ANKS3: variants seen among roughly 807,000 people sequenced by gnomAD.
ANKS3 encodes the protein ankyrin repeat and sterile alpha motif domain containing 3.
In ANKS3, 62 loss-of-function variants were observed where a neutral mutation model predicts 80.7. That is an observed-to-expected ratio of 0.77 (90% CI 0.63 to 0.95). ANKS3 has a LOEUF of 0.95. ANKS3 is among the 40% of genes least tolerant of loss of function. ANKS3 has a pLI of 0.00. For synonymous variants in ANKS3, 489 were observed against 355.3 expected (o/e 1.38, Z -4.23); for missense variants, 1,150 against 883.6 (o/e 1.30, Z -3.82).
intron 6 of ANKS3, among the ~76,000 whole-genome samples, chr16:4,718,916 G>A (rs1358454276): frequency 1.3e-5 from 2 of 152,184 alleles, no homozygotes; most frequent in Non-Finnish European, 2.9e-5. Flanking sequence ...TACATATTTA[G>A]GGGAAAAGGG....
intron 6 of ANKS3, among the ~76,000 whole-genome samples, chr16:4,720,503 G>A (rs1027232251): frequency 6.7e-6 from 1 of 149,880 alleles, no homozygotes; most frequent in East Asian, 2.0e-4. Context: ...GGAGGGGTGT[G>A]AACCAGGACC....
In ANKS3 at chr16:4,726,717, C is replaced by A. The variant is rs147388252; in HGVS notation, c.433G>T (p.Ala145Ser). Residue 145 changes from alanine to serine, a missense_variant, in exon 5 of 18, where the codon GCC (alanine) becomes TCC (serine). Transcript: ENST00000304283. ...AACCTGACCATGTGCTGGTGCCCGG[C>A]GCTGGTACAGTGGAAGAGGGCTGTC... ...GWTALFHCTS[A>S]GHQHMVRFLL... 6.2e-7 allele frequency: 1 copy of A among 1,614,228 alleles called. No homozygotes were observed. The highest frequency in any genetic ancestry group is 8.5e-7 in the Non-Finnish European group (1 of 1,180,034).
At chr16:4,711,726 A>G (rs1046704230) in intron 7 of ANKS3, among the ~76,000 whole-genome samples, 1 of 147,804 alleles carries the variant, frequency 6.8e-6, no homozygotes, top group African/African-American at 2.4e-5. Flanking sequence ...CTCAAAAAAA[A>G]AAAAAAAAAA....
intron 9 of ANKS3, 38 bp from the exon 10 acceptor site, chr16:4,701,581 C>T (rs755575895): frequency 3.8e-6 from 6 of 1,563,678 alleles, no homozygotes; most frequent in Non-Finnish European, 5.2e-6. Context: ...CTGCAGCCCT[C>T]ACCGAGGTGC....
intron 1 of ANKS3, among the ~76,000 whole-genome samples, chr16:4,732,705 A>G (rs1291205968): frequency 2.7e-5 from 4 of 147,350 alleles, no homozygotes; most frequent in African/African-American, 9.9e-5. Context: ...AAAAAACACT[A>G]AAGTGAAAAC....
Position 4,702,167 on chromosome 16 carries a change from C to A in ANKS3, c.944G>T (p.Cys315Phe). 2 of 1,591,196 alleles carry A rather than the reference C, an allele frequency of 1.3e-6. No individual in the cohort carries two copies. The highest frequency in any genetic ancestry group is 1.7e-6 in the Non-Finnish European group (2 of 1,170,682). ...ATTGATGGGGGAGGTGACATCCCGG[C>A]AGCAGAGGCCCTCTTCTTCCAGGGG... The part of the protein sequence containing the change: ...ENPLEEEGLC[C>F]RDVTSPINER... The change falls in exon 9 of 18, where the codon TGC (cysteine) becomes TTC (phenylalanine). Residue 315 changes from cysteine (C) to phenylalanine (F), a missense_variant. Cys to Phe is a radical substitution (Grantham distance 205). Coordinates refer to ENST00000304283, the MANE Select transcript of ANKS3 (RefSeq NM_133450.4).
intron 15 of ANKS3, among the ~76,000 whole-genome samples, 191 bp downstream of exon 15, chr16:4,697,786 C>G (rs554246030): frequency 1.3e-5 from 2 of 152,308 alleles, no homozygotes; most frequent in South Asian, 4.1e-4. Flanking sequence ...GTTTTCCTGT[C>G]ACAGGTGAGG....
In ANKS3 at chr16:4,721,297, G is replaced by A. The variant is rs1242114002; in HGVS notation, c.573+3453C>T. On this transcript the variant is annotated intron_variant, in intron 6 of 17. Transcript: ENST00000304283. ...TCTAGCCTGGGCAACAGAGCAAGACGCCATCTCAAAAAAAAAAAAAAAAGA... is the reference window on the plus strand; with the variant it reads ...TCTAGCCTGGGCAACAGAGCAAGACACCATCTCAAAAAAAAAAAAAAAAGA... 5.8e-5 allele frequency among the ~76,000 whole-genome samples: 8 copies of A among 136,818 alleles called. No homozygotes were observed. In the East Asian group the frequency reaches 8.6e-4, roughly 15 times the overall value. The allele number at this position is 136,818 out of a possible 152,430, so 89.8% of individuals were successfully genotyped here. A position where few individuals can be genotyped will look rare whatever the true frequency, so the allele number is the denominator to read the frequency against.
chr16:4,709,316 G>A (rs2080364931), intron 7 of ANKS3, among the ~76,000 whole-genome samples: 1 of 151,502 alleles, frequency 6.6e-6, no homozygotes, highest in African/African-American at 2.4e-5. Context: ...TGAGGCAGGA[G>A]AATCGCTTGA....
intron 6 of ANKS3, among the ~76,000 whole-genome samples, chr16:4,722,696 T>C (rs963526919): frequency 7.9e-5 from 12 of 151,848 alleles, no homozygotes; most frequent in African/African-American, 2.7e-4. Flanking sequence ...GGTGGGTGGA[T>C]TGCCTGAGTT....
chr16:4,710,943 C>T (rs1336691444), intron 7 of ANKS3, among the ~76,000 whole-genome samples: 2 of 151,848 alleles, frequency 1.3e-5, no homozygotes, highest in Non-Finnish European at 2.9e-5. Flanking sequence ...GCGCACACCA[C>T]CACATTGGCT....
Position 4,696,560 on chromosome 16 carries a change from CCA to C in ANKS3, c.*346_*347del. 1 of 179,702 alleles carries C rather than the reference CCA, an allele frequency of 5.6e-6. No individual in the cohort carries two copies. Among genetic ancestry groups the C allele is most frequent in the South Asian group, 1.3e-4 (1 of 7,900 alleles). 11.1% of individuals were successfully genotyped at this position (179,702 alleles called of 1,614,324 possible). ...CAAAAAATGGCATTTTCCAGGTGCCCCAGTCCTCATTCCTAAGGTCCCACCTC... is the reference window on the plus strand; with the variant it reads ...CAAAAAATGGCATTTTCCAGGTGCCCGTCCTCATTCCTAAGGTCCCACCTC... On this transcript the variant is annotated 3_prime_UTR_variant, in exon 18 of 18. Transcript: ENST00000304283.
intron 5 of ANKS3, chr16:4,725,115 C>A: frequency 3.4e-6 from 1 of 296,236 alleles, no homozygotes; most frequent in Non-Finnish European, 6.3e-6. Context: ...TCTGAAATCT[C>A]CACCTCAATC....
intron 6 of ANKS3, among the ~76,000 whole-genome samples, chr16:4,724,241 T>C (rs576968972): frequency 7.2e-5 from 11 of 152,354 alleles, no homozygotes; most frequent in Admixed American, 2.0e-4. Context: ...CACGGAATAC[T>C]GTACAAAGAT....
chr16:4,701,161 G>A, intron 10 of ANKS3, 27 bp from the exon 11 acceptor site: 1 of 1,613,170 alleles, frequency 6.2e-7, no homozygotes, highest in African/African-American at 1.3e-5. Context: ...GCATCTGAAA[G>A]AGTGCGCGGG....
chr16:4,698,741 G>C (rs1333806174), intron 13 of ANKS3, 59 bp downstream of exon 13: 8 of 1,555,438 alleles, frequency 5.1e-6, no homozygotes, highest in East Asian at 4.5e-5. Flanking sequence ...TTTTCTGTCA[G>C]AGATGGAGCC....
At chr16:4,714,820 C>T (rs113757098) in intron 6 of ANKS3, among the ~76,000 whole-genome samples, 3,896 of 151,576 alleles carry the variant, frequency 0.026, 166 homozygotes, top group African/African-American at 0.09. Flanking sequence ...GGTGAAACCC[C>T]GTCTCTACTA....
At chr16:4,697,270 G>T in intron 16 of ANKS3, 63 bp downstream of exon 16, 1 of 1,550,856 alleles carries the variant, frequency 6.4e-7, no homozygotes, top group Non-Finnish European at 8.8e-7. Flanking sequence ...CCCTGGAAAG[G>T]GGTCCCTTTG....
intron 6 of ANKS3, 86 bp downstream of exon 6, chr16:4,724,664 G>C: frequency 7.6e-7 from 1 of 1,321,478 alleles, no homozygotes; most frequent in South Asian, 1.3e-5. Flanking sequence ...CTGTGCAAAG[G>C]AAAATTCTGT....
Sources: allele counts gnomAD v4.1 joint callset (sites outside exome capture counted in the v4.1 genomes callset), GRCh38; gene constraint gnomAD v4.1.1; transcripts MANE v1.5; gene names NCBI Gene and HGNC (gene_info 2026-07-23, HGNC 2026-07-21).